The following MMP9 variants were observed in gnomAD, a reference collection of about 807,000 sequenced individuals.
MMP9 encodes the protein matrix metallopeptidase 9.
In MMP9, 73 loss-of-function variants were observed where a neutral mutation model predicts 76.4. The ratio of observed to expected loss-of-function variants is 0.96; its 90% CI spans 0.79 to 1.16. MMP9 has a LOEUF of 1.16. Among genes scored for constraint, MMP9 ranks in the 50% most tolerant of loss-of-function variants. The pLI is 0.00. For missense variants in MMP9, 943 were observed against 973.0 expected (o/e 0.97, Z 0.41); for synonymous variants, 412 against 408.4 (o/e 1.01, Z -0.11).
rs143024943 is a variant in MMP9, at chr20:46,010,575, C to T, written c.464C>T (p.Thr155Ile). The T allele has an allele frequency of 8.2e-4, 1,331 of 1,614,184 alleles. 1 individual carries two copies. The highest frequency in any genetic ancestry group is 1.0e-3 in the Non-Finnish European group (1,216 of 1,180,022). Reference sequence around the variant, plus strand: ...CTGTGGAGCGCGGTGACGCCGCTCACCTTCACTCGCGTGTACAGCCGGGAC... The same window carrying T: ...CTGTGGAGCGCGGTGACGCCGCTCATCTTCACTCGCGTGTACAGCCGGGAC... ...FALWSAVTPLTFTRVYSRDAD... is the reference protein window; with the variant it reads ...FALWSAVTPLIFTRVYSRDAD... The change falls in exon 3 of 13, where the codon ACC becomes ATC. Residue 155 changes from threonine (T) to isoleucine (I), a missense_variant. Coordinates refer to ENST00000372330, the MANE Select transcript of MMP9 (RefSeq NM_004994.3).
chr20:46,013,936 G>T lies in MMP9; in HGVS notation c.1750+140G>T. The T allele has an allele frequency of 7.0e-7, 1 of 1,422,858 alleles. No homozygotes were observed. Among genetic ancestry groups the T allele is most frequent in the Non-Finnish European group, 9.6e-7 (1 of 1,046,970 alleles). The allele number at this position is 1,422,858 out of a possible 1,614,324, so 88.1% of individuals were successfully genotyped here. ...GGCGGACGCAGTTTAGCAAACGTAG[G>T]GGCGGCTGAGTTTCTGCCCCCTCCT... is the stretch of plus-strand genomic sequence containing the variant. On this transcript the variant is annotated intron_variant, in intron 10 of 12. Transcript: ENST00000372330. The surrounding 1 kb of genome is among the most constrained non-coding windows in gnomAD (Gnocchi z 4.5).
intron 2 of MMP9, 146 bp from the exon 3 acceptor site, chr20:46,010,337 A>AAAAAAAAAAAAAC: frequency 1.0e-5 from 9 of 898,456 alleles, no homozygotes; most frequent in Admixed American, 5.3e-5. Context: ...AAAAAAAAAA[A>AAAAAAAAAAAAAC]AAAACAGTCT....
At chr20:46,010,341 A>AAAAAAAAAAAAAAAG in intron 2 of MMP9, 142 bp from the exon 3 acceptor site, 1 of 916,638 alleles carries the variant, frequency 1.1e-6, no homozygotes, top group Non-Finnish European at 1.7e-6. Flanking sequence ...AAAAAAAAAA[A>AAAAAAAAAAAAAAAG]CAGTCTGGAA....
At chr20:46,010,747 C>G in intron 3 of MMP9, 116 bp downstream of exon 3, 1 of 1,542,834 alleles carries the variant, frequency 6.5e-7, no homozygotes, top group Admixed American at 2.0e-5. Context: ...CCGCGCTGCC[C>G]TGGCTTATAC....
rs754620582 is a variant in MMP9 at position 46,010,835 on chromosome 20, A to G, written c.521-87A>G. The G allele has an allele frequency of 6.5e-4, 1,052 of 1,609,808 alleles. 6 individuals carry two copies. The highest frequency in any genetic ancestry group is 2.3e-4 in the Admixed American group (14 of 59,614). ...TCGCGCAGGCGGGATTTCAGCCCGC[A>G]CTTATTTCGGAGCCCTTGCCTTGGG... On this transcript the variant is annotated intron_variant, in intron 3 of 12. Coordinates refer to ENST00000372330, the MANE Select transcript of MMP9 (RefSeq NM_004994.3).
chr20:46,013,953 C>A lies in MMP9; in HGVS notation c.1750+157C>A. On this transcript the variant is annotated intron_variant, in intron 10 of 12. Transcript: ENST00000372330. The surrounding 1 kb of genome is among the most constrained non-coding windows in gnomAD (Gnocchi z 4.5). ...AAACGTAGGGGCGGCTGAGTTTCTG[C>A]CCCCTCCTCTCCACGCCCTCGCGTC... The A allele has an allele frequency of 7.2e-7, 1 of 1,388,476 alleles. No individual in the cohort carries two copies. The highest frequency in any genetic ancestry group is 9.8e-7 in the Non-Finnish European group (1 of 1,022,246). The allele number at this position is 1,388,476 out of a possible 1,614,324, so 86.0% of individuals were successfully genotyped here.
intron 3 of MMP9, 57 bp from the exon 4 acceptor site, chr20:46,010,865 G>C: frequency 2.5e-6 from 4 of 1,613,744 alleles, no homozygotes; most frequent in Non-Finnish European, 3.4e-6. Context: ...CTTGGGCAGC[G>C]CACAATCTGC....
At chr20:46,010,330 A>AACAAAC (rs1568846616) in intron 2 of MMP9, among the ~76,000 whole-genome samples, 153 bp from the exon 3 acceptor site, 1 of 101,928 alleles carries the variant, frequency 9.8e-6, no homozygotes, top group Admixed American at 8.9e-5. Context: ...ACAAAAAAAA[A>AACAAAC]AAAAAAAAAA....
chr20:46,012,043 G>A, intron 6 of MMP9, 94 bp from the exon 7 acceptor site: 1 of 1,517,290 alleles, frequency 6.6e-7, no homozygotes, highest in South Asian at 1.2e-5. Flanking sequence ...GCGCCCCCTA[G>A]GCCACCAAGA....
At position 46,012,280 on chromosome 20, in the gene MMP9, A is replaced by C. The variant is rs1412397989; in HGVS notation, c.1141A>C (p.Ser381Arg). Residue 381 changes from serine to arginine, a missense_variant, in exon 7 of 13, where the codon AGC becomes CGC. Physicochemically the swap from Ser to Arg is moderately radical, Grantham distance 110. Transcript: ENST00000372330. ...GTGCGCTACCACCTCGAACTTTGAC[A>C]GCGACAAGAAGTGGGGCTTCTGCCC... is the stretch of plus-strand genomic sequence containing the variant. ...LWCATTSNFD[S>R]DKKWGFCPDQ... The C allele has an allele frequency of 6.2e-7, 1 of 1,613,648 alleles. No individual in the cohort carries two copies. The highest frequency in any genetic ancestry group is 1.3e-5 in the African/African-American group (1 of 74,912).
Position 46,010,503 on chromosome 20 carries a change from A to G in MMP9, c.392A>G (p.Asp131Gly). The G allele has an allele frequency of 2.5e-6, 4 of 1,614,160 alleles. No individual in the cohort carries two copies. The highest frequency in any genetic ancestry group is 3.4e-6 in the Non-Finnish European group (4 of 1,180,036). The change falls in exon 3 of 13, where the codon GAC (aspartate) becomes GGC (glycine). Residue 131 changes from aspartate to glycine, a missense_variant. Asp to Gly is a moderately conservative substitution (Grantham distance 94, BLOSUM62 -1). Transcript: ENST00000372330. The part of the protein sequence containing the change: ...ITYWIQNYSE[D>G]LPRAVIDDAF... The stretch of plus-strand genomic sequence containing the variant: ...TACAGGATCCAAAACTACTCGGAAG[A>G]CTTGCCGCGGGCGGTGATTGACGAC...
intron 8 of MMP9, 50 bp downstream of exon 8, chr20:46,012,632 C>T (rs1235066783): frequency 1.9e-6 from 3 of 1,607,144 alleles, no homozygotes; most frequent in Non-Finnish European, 2.5e-6. Flanking sequence ...CGTGGCTGTG[C>T]CACAGTACCA....
At position 46,012,451 on chromosome 20, in the gene MMP9, CG is replaced by C; in HGVS notation, c.1200del (p.His401MetfsTer9). On this transcript the variant is annotated frameshift_variant, in exon 8 of 13. Transcript: ENST00000372330. LOFTEE classifies it high-confidence loss of function. ...GGATACAGTTTGTTCCTCGTGGCGG[CG>C]CATGAGTTCGGCCACGCGCTGGGCT... ...DQGYSLFLVA[A>X]HEFGHALGLD... is the part of the protein sequence containing the mutation. 1 of 1,614,100 alleles carries C rather than the reference CG, an allele frequency of 6.2e-7. No individual in the cohort carries two copies.
At chr20:46,012,662 T>TGGG in intron 8 of MMP9, 80 bp downstream of exon 8, 1 of 1,269,098 alleles carries the variant, frequency 7.9e-7, no homozygotes, top group Non-Finnish European at 1.1e-6. Context: ...GGGTTGGGGA[T>TGGG]CGGGGGAGGA....
In MMP9 at chr20:46,013,192, G is replaced by C; in HGVS notation, c.1331-63G>C. On this transcript the variant is annotated intron_variant, in intron 8 of 12. Transcript: ENST00000372330. This position sits in a 1 kb window ranked among gnomAD's most constrained non-coding sequence, Gnocchi z 4.5. ...CTTCACTGAGAAGCTTAGGGGAGCA[G>C]ATGTTCTAGGGGTACAGAGGTATGC... 1 of 1,601,600 alleles carries C rather than the reference G, an allele frequency of 6.2e-7. No individual in the cohort carries two copies.
At position 46,008,976 on chromosome 20, in the gene MMP9, G is replaced by T; in HGVS notation, c.50G>T (p.Cys17Phe). The change falls in exon 1 of 13, where the codon TGC (cysteine) becomes TTC (phenylalanine). Residue 17 changes from cysteine to phenylalanine, a missense_variant. Transcript: ENST00000372330. ...CTGGTGCTCCTGGTGCTGGGCTGCT[G>T]CTTTGCTGCCCCCAGACAGCGCCAG... ...LVLVLLVLGC[C>F]FAAPRQRQST... The T allele has an allele frequency of 6.2e-7, 1 of 1,614,000 alleles. No individual in the cohort carries two copies. Among genetic ancestry groups the T allele is most frequent in the Non-Finnish European group, 8.5e-7 (1 of 1,179,962 alleles).
In MMP9 at chr20:46,011,270, G is replaced by A. The variant is rs1225783349; in HGVS notation, c.777G>A (p.Thr259=). The A allele has an allele frequency of 1.2e-6, 2 of 1,605,242 alleles. No individual in the cohort carries two copies. The highest frequency in any genetic ancestry group is 1.7e-5 in the Admixed American group (1 of 59,594). The stretch of plus-strand genomic sequence containing the variant: ...ACGGCTTGCCCTGGTGCAGTACCAC[G>A]GCCAACTACGACACCGACGACCGGT... ...RSDGLPWCST[T]ANYDTDDRFG... Residue 259 remains threonine (T), a synonymous_variant, in exon 5 of 13, where the codon ACG becomes ACA. Coordinates refer to ENST00000372330, the MANE Select transcript of MMP9 (RefSeq NM_004994.3).
intron 2 of MMP9, 144 bp from the exon 3 acceptor site, chr20:46,010,339 A>ACAAACAAC: frequency 1.1e-6 from 1 of 920,516 alleles, no homozygotes; most frequent in African/African-American, 1.7e-5. Context: ...AAAAAAAAAA[A>ACAAACAAC]AACAGTCTGG....
chr20:46,014,685 G>C lies in MMP9; in HGVS notation c.2005+211G>C. The stretch of plus-strand genomic sequence containing the variant: ...AGGACCCAGATTTCCTGCCTCCCCG[G>C]CTGGAAGCTCTTTCTCCTTCAGTAC... On this transcript the variant is annotated intron_variant, in intron 12 of 12. Transcript: ENST00000372330. The C allele has an allele frequency of 4.9e-6, 3 of 618,434 alleles. No individual in the cohort carries two copies. In the Admixed American group the frequency reaches 8.2e-5, roughly 17 times the overall value. 38.3% of individuals were successfully genotyped at this position (618,434 alleles called of 1,614,324 possible). A position where few individuals can be genotyped will look rare whatever the true frequency, so the allele number is the denominator to read the frequency against.
Sources: gnomAD v4.1 joint callset for allele counts (sites outside exome capture counted in the v4.1 genomes callset) on GRCh38, gnomAD v4.1.1 for gene constraint, Gnocchi (gnomAD v3.1) non-coding constraint, MANE v1.5 for transcripts, NCBI Gene and HGNC (gene_info 2026-07-23, HGNC 2026-07-21) for gene names.